LRRC4C: variants seen among roughly 807,000 people sequenced by gnomAD.
The protein encoded by LRRC4C is leucine-rich repeat-containing protein 4C.
LRRC4C carries 5 observed loss-of-function variants against 33.6 expected under a neutral mutation model. The observed-to-expected ratio is 0.15, with a 90% CI of 0.08 to 0.31. LRRC4C has a LOEUF of 0.31. Among genes scored for constraint, LRRC4C ranks in the 10% least tolerant of loss-of-function variants. The probability of loss-of-function intolerance (pLI) is 1.00; values close to 1 mark genes in which losing one functional copy is unlikely to be tolerated. For missense variants in LRRC4C, 560 were observed against 796.7 expected, an observed-to-expected ratio of 0.70 and a Z score of 3.58; for synonymous variants, 329 against 302.0, an observed-to-expected ratio of 1.09 and a Z score of -0.93.
intron 5 of LRRC4C, among the ~76,000 whole-genome samples, chr11:40,158,446 T>C (rs1858890102): frequency 6.6e-6 from 1 of 152,106 alleles, no homozygotes; most frequent in South Asian, 2.1e-4. Flanking sequence ...TCTGTGACTA[T>C]AGTTTCAGTT....
intron 1 of LRRC4C, among the ~76,000 whole-genome samples, chr11:41,331,831 G>T (rs1951305000): frequency 6.6e-6 from 1 of 152,210 alleles, no homozygotes; most frequent in African/African-American, 2.4e-5. Context: ...GGACATCTTT[G>T]CTAACACACT....
At chr11:40,362,242 C>T (rs749119257) in intron 3 of LRRC4C, among the ~76,000 whole-genome samples, 13 of 151,996 alleles carry the variant, frequency 8.6e-5, no homozygotes, top group Non-Finnish European at 1.8e-4. Context: ...GCAATTGCAA[C>T]AAAAGCAAAA....
intron 2 of LRRC4C, among the ~76,000 whole-genome samples, chr11:40,730,619 C>T (rs1564986011): frequency 1.3e-5 from 2 of 152,282 alleles, no homozygotes; most frequent in South Asian, 4.1e-4. Context: ...TCTGGTCCAA[C>T]ACATCGTCTC....
At chr11:40,385,158 C>T (rs989872925) in intron 3 of LRRC4C, among the ~76,000 whole-genome samples, 4 of 152,024 alleles carry the variant, frequency 2.6e-5, no homozygotes, top group African/African-American at 9.7e-5. Flanking sequence ...AATACATGTT[C>T]ACATGGGCAA....
chr11:40,156,140 A>G (rs1187838727), intron 5 of LRRC4C, among the ~76,000 whole-genome samples: 1 of 152,178 alleles, frequency 6.6e-6, no homozygotes, highest in Admixed American at 6.5e-5. Context: ...AGCATTTGAC[A>G]AAATCTAGCA....
At chr11:40,491,987 A>G (rs943964265) in intron 3 of LRRC4C, among the ~76,000 whole-genome samples, 3 of 152,146 alleles carry the variant, frequency 2.0e-5, no homozygotes, top group Non-Finnish European at 2.9e-5. Context: ...CAAAGGAGAT[A>G]GCTTTATATT....
chr11:40,285,306 A>G (rs1217329386), intron 4 of LRRC4C, among the ~76,000 whole-genome samples: 1 of 152,146 alleles, frequency 6.6e-6, no homozygotes. Flanking sequence ...ATAAAGTGAT[A>G]TCAATAAAGT....
intron 3 of LRRC4C, among the ~76,000 whole-genome samples, chr11:40,581,467 T>C (rs1423031913): frequency 6.6e-6 from 1 of 152,224 alleles, no homozygotes; most frequent in African/African-American, 2.4e-5. Context: ...CAGCTCATTC[T>C]TTTTCTTTGT....
At chr11:40,386,830 T>A (rs1309091668) in intron 3 of LRRC4C, among the ~76,000 whole-genome samples, 1 of 152,138 alleles carries the variant, frequency 6.6e-6, no homozygotes, top group Non-Finnish European at 1.5e-5. Context: ...TACTGGCTCC[T>A]CTTTAAATTG....
At chr11:40,258,762 A>C (rs1867433888) in intron 4 of LRRC4C, among the ~76,000 whole-genome samples, 3 of 152,182 alleles carry the variant, frequency 2.0e-5, no homozygotes, top group Admixed American at 2.0e-4. Flanking sequence ...CTTTACTTAA[A>C]ACCCTGCTGC....
At chr11:40,976,122 T>C (rs1852069463) in intron 1 of LRRC4C, among the ~76,000 whole-genome samples, 1 of 152,224 alleles carries the variant, frequency 6.6e-6, no homozygotes, top group Non-Finnish European at 1.5e-5. Context: ...AAACTTTTTA[T>C]GATTTTTTAC....
At chr11:40,931,738 C>A (rs1347653565) in intron 2 of LRRC4C, among the ~76,000 whole-genome samples, 1 of 151,736 alleles carries the variant, frequency 6.6e-6, no homozygotes, top group Non-Finnish European at 1.5e-5. Context: ...AGTTATGAAG[C>A]CTATATATAA....
intron 1 of LRRC4C, among the ~76,000 whole-genome samples, chr11:41,021,626 T>A (rs928320184): frequency 6.6e-6 from 1 of 152,054 alleles, no homozygotes; most frequent in African/African-American, 2.4e-5. Context: ...CCCCCATGAA[T>A]GCCTTTTGAG....
At chr11:40,591,452 G>A (rs1336367099) in intron 3 of LRRC4C, among the ~76,000 whole-genome samples, 4 of 152,152 alleles carry the variant, frequency 2.6e-5, no homozygotes, top group East Asian at 1.9e-4. Flanking sequence ...CATCACTCAC[G>A]CTGGGAGCTG....
At chr11:41,069,178 A>T (rs969754346) in intron 1 of LRRC4C, among the ~76,000 whole-genome samples, 1 of 152,208 alleles carries the variant, frequency 6.6e-6, no homozygotes, top group African/African-American at 2.4e-5. Context: ...ACACTTGATT[A>T]TTCTAATAGA....
chr11:40,638,598 C>A (rs946747548), intron 3 of LRRC4C, among the ~76,000 whole-genome samples: 5 of 152,046 alleles, frequency 3.3e-5, no homozygotes, highest in Non-Finnish European at 7.4e-5. Flanking sequence ...TTTTTAATAA[C>A]CTGTGGGATG....
At chr11:40,874,058 C>T (rs1954770609) in intron 2 of LRRC4C, among the ~76,000 whole-genome samples, 1 of 152,096 alleles carries the variant, frequency 6.6e-6, no homozygotes. Context: ...GGCCAAGTGG[C>T]CATTATTAGA....
chr11:41,277,769 C>T (rs1441633365), intron 1 of LRRC4C, among the ~76,000 whole-genome samples: 2 of 152,002 alleles, frequency 1.3e-5, no homozygotes, highest in Non-Finnish European at 2.9e-5. Context: ...ACATTGTCTC[C>T]TTTCATTGAT....
intron 1 of LRRC4C, among the ~76,000 whole-genome samples, chr11:41,447,911 G>C (rs1021009998): frequency 6.6e-6 from 1 of 151,978 alleles, no homozygotes; most frequent in Non-Finnish European, 1.5e-5. Context: ...GTACATTTGT[G>C]GGTGTTTGTT....
Sources: allele counts gnomAD v4.1 joint callset (sites outside exome capture counted in the v4.1 genomes callset), GRCh38; gene constraint gnomAD v4.1.1; transcripts MANE v1.5; gene names NCBI Gene and HGNC (gene_info 2026-07-23, HGNC 2026-07-21).